The following TG variants were observed in gnomAD, a reference collection of about 807,000 sequenced individuals.
TG encodes the protein thyroglobulin.
In TG, 270 loss-of-function variants were observed where a neutral mutation model predicts 324.7. That is an observed-to-expected ratio of 0.83 (90% CI 0.75 to 0.92). TG has a LOEUF of 0.92. Ranked by LOEUF, TG falls within the 40% of genes least tolerant of loss-of-function variation. The pLI is 0.00. For missense variants in TG, 3,591 were observed against 3,456.4 expected, an observed-to-expected ratio of 1.04 and a Z score of -0.98; for synonymous variants, 1,401 against 1,327.0, an observed-to-expected ratio of 1.06 and a Z score of -1.21.
chr8:133,094,012 C>T (rs947782152), intron 41 of TG, among the ~76,000 whole-genome samples: 1 of 152,174 alleles, frequency 6.6e-6, no homozygotes, highest in African/African-American at 2.4e-5. Flanking sequence ...GTATCACCAC[C>T]ACTGCCTCCC....
chr8:133,009,670 A>G (rs2130876197), intron 35 of TG, among the ~76,000 whole-genome samples: 1 of 152,140 alleles, frequency 6.6e-6, no homozygotes, highest in Admixed American at 6.5e-5. Context: ...CAGGGTGCAG[A>G]GCCTCATGAT....
chr8:133,134,659 T>C lies in TG; in HGVS notation c.8189-17T>C, dbSNP rs767049967. On this transcript the variant is annotated splice_polypyrimidine_tract_variant and intron_variant, in intron 47 of 47. Coordinates refer to ENST00000220616, the MANE Select transcript of TG (RefSeq NM_003235.5). ...CTAATCTGGCTTGGACCAACCTTCC[T>C]TGCCCCTCTGTTTCAGATGGAGCCA... 3 of 1,611,604 alleles carry C rather than the reference T, an allele frequency of 1.9e-6. No homozygotes were observed. Among genetic ancestry groups the C allele is most frequent in the Non-Finnish European group, 2.5e-6 (3 of 1,177,954 alleles).
chr8:132,964,513 A>G (rs899317160), intron 29 of TG: 14 of 181,162 alleles, frequency 7.7e-5, no homozygotes, highest in Admixed American at 1.2e-4. Context: ...GATTCAGAGG[A>G]CAGTGAGGAA....
intron 28 of TG, 48 bp from the exon 29 acceptor site, chr8:132,962,946 A>C: frequency 1.9e-6 from 3 of 1,552,796 alleles, no homozygotes; most frequent in Non-Finnish European, 2.7e-6. Context: ...CCAGTGGAGT[A>C]CTACCCATTC....
intron 27 of TG, among the ~76,000 whole-genome samples, chr8:132,958,710 C>CT (rs1827314933): frequency 2.0e-5 from 3 of 148,072 alleles, no homozygotes; most frequent in African/African-American, 7.4e-5. Flanking sequence ...GACTTTGTCT[C>CT]AAAAAAAAAA....
chr8:132,887,209 G>C lies in TG; in HGVS notation c.1837G>C (p.Glu613Gln). Residue 613 changes from glutamate (E) to glutamine (Q), a missense_variant, in exon 9 of 48, where the codon GAA (glutamate) becomes CAA (glutamine). Transcript: ENST00000220616. ...CTCCCAGACCTGTGAGCAGACACCT[G>C]AAAGGCTATTTGTCCCATCATGCAC... ...LSSQTCEQTP[E>Q]RLFVPSCTTE... 6.2e-7 allele frequency: 1 copy of C among 1,612,282 alleles called. No homozygotes were observed.
Position 133,017,860 on chromosome 8 carries a change from C to T in TG, c.6645C>T (p.Ala2215=). Residue 2215 remains alanine, a synonymous_variant, in exon 38 of 48, where the codon GCC becomes GCT. Transcript: ENST00000220616. The part of the protein sequence containing the change: ...THGRLLGRSQ[A]IQVGTSWKQV... ...GCCGGCTGCTGGGCAGGTCCCAGGC[C>T]ATCCAGGTGGGTACCTCATGGAAGC... 1 of 1,614,212 alleles carries T rather than the reference C, an allele frequency of 6.2e-7. No individual in the cohort carries two copies. Among genetic ancestry groups the T allele is most frequent in the Non-Finnish European group, 8.5e-7 (1 of 1,180,038 alleles).
chr8:133,133,863 A>G (rs1024286631), intron 47 of TG, among the ~76,000 whole-genome samples: 6 of 152,202 alleles, frequency 3.9e-5, no homozygotes, highest in African/African-American at 1.2e-4. Context: ...GGCTGGAAGG[A>G]AAAGAAAGAG....
At chr8:132,892,363 C>T (rs1023716683) in intron 10 of TG, among the ~76,000 whole-genome samples, 50 of 151,916 alleles carry the variant, frequency 3.3e-4, no homozygotes, top group African/African-American at 1.2e-3. Flanking sequence ...GCTGGGAACT[C>T]GTTTAAATTA....
intron 27 of TG, among the ~76,000 whole-genome samples, chr8:132,949,272 A>G (rs1403419164): frequency 1.3e-5 from 2 of 152,166 alleles, no homozygotes; most frequent in Non-Finnish European, 2.9e-5. Flanking sequence ...GCCCTGCTCT[A>G]TGAGTTTCTC....
At chr8:132,979,660 C>G (rs1437615517) in intron 34 of TG, among the ~76,000 whole-genome samples, 6 of 152,128 alleles carry the variant, frequency 3.9e-5, no homozygotes, top group Non-Finnish European at 8.8e-5. Flanking sequence ...TACTGTTACC[C>G]CATGCAGTGC....
At chr8:133,020,177 T>G (rs146372250) in intron 39 of TG, among the ~76,000 whole-genome samples, 1,674 of 152,338 alleles carry the variant, frequency 0.011, 34 homozygotes, top group Admixed American at 0.037. Flanking sequence ...GGCTCATCCC[T>G]GTCGCCGTGT....
rs1322358572 is a variant in TG at position 132,894,042 on chromosome 8, A to G, written c.3001+113A>G. 1.9e-6 allele frequency: 3 copies of G among 1,547,750 alleles called. No homozygotes were observed. In the African/African-American group the frequency reaches 4.1e-5, roughly 21 times the overall value. ...TTTGTGGTTTGGCTTCCCCAGACTG[A>G]TGGGTTCTTGGGAAGGAAAAGGCAA... is the stretch of plus-strand genomic sequence containing the variant. On this transcript the variant is annotated intron_variant, in intron 11 of 47. Transcript: ENST00000220616.
At chr8:132,896,100 C>T (rs754896849) in intron 11 of TG, among the ~76,000 whole-genome samples, 5 of 152,252 alleles carry the variant, frequency 3.3e-5, no homozygotes, top group East Asian at 1.9e-4. Context: ...AAATGCACAC[C>T]GCTGTGTCTG....
chr8:133,133,747 G>A (rs547840734), intron 47 of TG, 87 bp downstream of exon 47: 76 of 1,464,020 alleles, frequency 5.2e-5, no homozygotes, highest in East Asian at 2.9e-4. Context: ...TGCTGCGCGC[G>A]CATTGGAGCC....
At chr8:133,032,060 C>T (rs114626216) in intron 41 of TG, among the ~76,000 whole-genome samples, 2,045 of 152,240 alleles carry the variant, frequency 0.013, 54 homozygotes, top group African/African-American at 0.047. Flanking sequence ...TTGCTCTCCA[C>T]GGGACCCCGA....
Position 133,133,463 on chromosome 8 carries a change from T to C in TG, c.7998-7T>C. On this transcript the variant is annotated splice_polypyrimidine_tract_variant and splice_region_variant and intron_variant, in intron 46 of 47. Transcript: ENST00000220616. ...TCATGGATATTTCTTTCTTCTCATT[T>C]GCCCAGAAATCCCAACTACCCTTAT... 1 of 1,614,018 alleles carries C rather than the reference T, an allele frequency of 6.2e-7. No individual in the cohort carries two copies. Among genetic ancestry groups the C allele is most frequent in the South Asian group, 1.1e-5 (1 of 91,076 alleles).
chr8:133,033,416 T>C (rs1316989371), intron 41 of TG, among the ~76,000 whole-genome samples: 2 of 152,158 alleles, frequency 1.3e-5, no homozygotes, highest in Non-Finnish European at 2.9e-5. Context: ...CTGCACAGTC[T>C]TCAGACAGGG....
intron 41 of TG, chr8:133,039,866 C>T: frequency 6.9e-7 from 1 of 1,450,542 alleles, no homozygotes; most frequent in Non-Finnish European, 9.2e-7. Flanking sequence ...CCCCCAGTTT[C>T]AGCAGGGCTG....
Sources: allele counts gnomAD v4.1 joint callset (sites outside exome capture counted in the v4.1 genomes callset), GRCh38; gene constraint gnomAD v4.1.1; transcripts MANE v1.5; gene names NCBI Gene and HGNC (gene_info 2026-07-23, HGNC 2026-07-21).